NAA35: variants seen among roughly 807,000 people sequenced by gnomAD.
The protein encoded by NAA35 is MAK10 homolog, amino-acid N-acetyltransferase subunit.
A neutral mutation model predicts 101.7 loss-of-function variants in NAA35; 18 were observed. The ratio of observed to expected loss-of-function variants is 0.18; its 90% CI spans 0.12 to 0.26. The LOEUF is 0.26. Among genes scored for constraint, NAA35 ranks in the 10% least tolerant of loss-of-function variants. The probability of loss-of-function intolerance (pLI) is 1.00; values close to 1 mark genes in which losing one functional copy is unlikely to be tolerated. For synonymous variants in NAA35, 267 were observed against 273.1 expected (o/e 0.98, Z 0.22); for missense variants, 601 against 886.8 (o/e 0.68, Z 4.09).
chr9:85,997,459 A>G (rs1831213294), intron 12 of NAA35, among the ~76,000 whole-genome samples: 1 of 151,478 alleles, frequency 6.6e-6, no homozygotes, highest in Non-Finnish European at 1.5e-5. Flanking sequence ...ATTCCACATC[A>G]GCCTCCCAAG....
Position 86,023,218 on chromosome 9 carries a change from G to A in NAA35, c.*1258G>A, listed in dbSNP as rs1832644198. Among the ~76,000 whole-genome samples the A allele has an allele frequency of 6.6e-6, 1 of 152,116 alleles. No individual in the cohort carries two copies. The highest frequency in any genetic ancestry group is 2.4e-5 in the African/African-American group (1 of 41,414). ...TTCAAGAACAGCCATTAGGTGTCCTGAAATTTCAGAACCGAAAAATCTTAA... is the reference window on the plus strand; with the variant it reads ...TTCAAGAACAGCCATTAGGTGTCCTAAAATTTCAGAACCGAAAAATCTTAA... On this transcript the variant is annotated 3_prime_UTR_variant, in exon 23 of 23. Coordinates refer to ENST00000361671, the MANE Select transcript of NAA35 (RefSeq NM_024635.4).
At chr9:85,962,504 A>AAAAG (rs1284695677) in intron 6 of NAA35, among the ~76,000 whole-genome samples, 1 of 151,506 alleles carries the variant, frequency 6.6e-6, no homozygotes, top group Non-Finnish European at 1.5e-5. Flanking sequence ...AAAAAAAAAA[A>AAAAG]AAAAAGAAAG....
At chr9:85,941,658 C>G in intron 1 of NAA35, 1 of 986,362 alleles carries the variant, frequency 1.0e-6, no homozygotes, top group South Asian at 4.7e-5. Context: ...CCTGCCGGCT[C>G]CTCATTGCTC....
At chr9:85,981,640 G>A (rs1308858241) in intron 11 of NAA35, among the ~76,000 whole-genome samples, 1 of 152,096 alleles carries the variant, frequency 6.6e-6, no homozygotes, top group African/African-American at 2.4e-5. Flanking sequence ...TGTAAAATTG[G>A]CTTGAATAAA....
At chr9:85,967,431 G>C (rs74424695) in intron 6 of NAA35, among the ~76,000 whole-genome samples, 152 of 152,220 alleles carry the variant, frequency 1.0e-3, no homozygotes, top group Middle Eastern at 6.8e-3. Context: ...AAATTTTTCA[G>C]ATTTTCCAGA....
intron 21 of NAA35, 26 bp downstream of exon 21, chr9:86,018,847 AG>A (rs775049863): frequency 2.5e-6 from 4 of 1,606,756 alleles, no homozygotes; most frequent in Non-Finnish European, 3.4e-6. Context: ...CAGTAATTCT[AG>A]GGGAAAAGCG....
At chr9:85,963,263 C>CTTTTTTTT (rs527736196) in intron 6 of NAA35, among the ~76,000 whole-genome samples, 3 of 72,290 alleles carry the variant, frequency 4.1e-5, no homozygotes, top group African/African-American at 5.9e-5. Context: ...GAAGGTATGG[C>CTTTTTTTT]TTTTTTTTTT....
At chr9:85,980,402 G>T (rs1326560815) in intron 11 of NAA35, among the ~76,000 whole-genome samples, 1 of 150,754 alleles carries the variant, frequency 6.6e-6, no homozygotes, top group Non-Finnish European at 1.5e-5. Flanking sequence ...TGTCTTTTTG[G>T]TTATCTGCCC....
intron 12 of NAA35, among the ~76,000 whole-genome samples, chr9:85,999,745 G>T (rs990523895): frequency 6.6e-6 from 1 of 152,178 alleles, no homozygotes; most frequent in Non-Finnish European, 1.5e-5. Flanking sequence ...TTCTGATTTT[G>T]GTTTCTGAAG....
chr9:85,989,559 A>G (rs1231120388), intron 11 of NAA35, among the ~76,000 whole-genome samples: 2 of 152,210 alleles, frequency 1.3e-5, no homozygotes, highest in African/African-American at 4.8e-5. Context: ...AAGGTCTTTG[A>G]GTGACACTCG....
chr9:86,021,794 C>A (rs1384872839), intron 22 of NAA35, 107 bp from the exon 23 acceptor site: 1 of 903,036 alleles, frequency 1.1e-6, no homozygotes, highest in Non-Finnish European at 1.7e-6. Flanking sequence ...TTTTGTGCTG[C>A]CTTGTTTCTA....
At chr9:85,975,640 T>A (rs554230923) in intron 8 of NAA35, among the ~76,000 whole-genome samples, 3 of 152,368 alleles carry the variant, frequency 2.0e-5, no homozygotes, top group African/African-American at 7.2e-5. Flanking sequence ...ATACTTTCAA[T>A]CAGCGGTTGG....
chr9:85,971,466 C>G (rs1829996309), intron 6 of NAA35, among the ~76,000 whole-genome samples: 1 of 152,172 alleles, frequency 6.6e-6, no homozygotes, highest in Non-Finnish European at 1.5e-5. Flanking sequence ...GACTCCCTCC[C>G]TCCTCCATAA....
At position 86,002,680 on chromosome 9, in the gene NAA35, C is replaced by T. The variant is rs1361487072; in HGVS notation, c.1057-905C>T. ...ATACTTGTGATTGCATAGTGAAATT[C>T]TTGTATTATTCAGCTCTGTCAGACC... On this transcript the variant is annotated intron_variant, in intron 12 of 22. Coordinates refer to ENST00000361671, the MANE Select transcript of NAA35 (RefSeq NM_024635.4). Among the ~76,000 whole-genome samples, 2 of 152,022 alleles carry T rather than the reference C, an allele frequency of 1.3e-5. 1 individual carries two copies.
At chr9:86,006,016 CA>C (rs1564321074) in intron 13 of NAA35, among the ~76,000 whole-genome samples, 1 of 151,236 alleles carries the variant, frequency 6.6e-6, no homozygotes, top group East Asian at 1.9e-4. Flanking sequence ...ACTAAAAATA[CA>C]AAAATTAGCC....
chr9:86,016,790 C>T, intron 18 of NAA35, 115 bp downstream of exon 18: 1 of 1,052,132 alleles, frequency 9.5e-7, no homozygotes, highest in Non-Finnish European at 1.3e-6. Flanking sequence ...TTCCTCTTTT[C>T]AGAAACTATA....
intron 11 of NAA35, among the ~76,000 whole-genome samples, chr9:85,993,777 C>G (rs1182498113): frequency 6.6e-6 from 1 of 151,794 alleles, no homozygotes; most frequent in East Asian, 1.9e-4. Context: ...TTTTTTTTCT[C>G]TTAAACTCAG....
At chr9:85,976,491 T>G (rs556481359) in intron 8 of NAA35, among the ~76,000 whole-genome samples, 194 bp from the exon 9 acceptor site, 2 of 152,282 alleles carry the variant, frequency 1.3e-5, no homozygotes, top group East Asian at 3.9e-4. Flanking sequence ...TCTTTATAAT[T>G]TATGTCAAAA....
In NAA35 at chr9:86,011,614, C is replaced by T. The variant is rs180888072; in HGVS notation, c.1291-1432C>T. ...GCTCAAGTGATCCGCCCGTCTTGGCCTCCCAAAGTGCTGGGACTTACAGGC... is the reference window on the plus strand; with the variant it reads ...GCTCAAGTGATCCGCCCGTCTTGGCTTCCCAAAGTGCTGGGACTTACAGGC... On this transcript the variant is annotated intron_variant, in intron 15 of 22. Transcript: ENST00000361671. Among the ~76,000 whole-genome samples the T allele has an allele frequency of 9.7e-3, 1,475 of 151,530 alleles. 18 individuals carry two copies. The highest frequency in any genetic ancestry group is 0.032 in the African/African-American group (1,335 of 41,338).
Sources: gnomAD v4.1 joint callset for allele counts (sites outside exome capture counted in the v4.1 genomes callset) on GRCh38, gnomAD v4.1.1 for gene constraint, MANE v1.5 for transcripts, NCBI Gene and HGNC (gene_info 2026-07-23, HGNC 2026-07-21) for gene names.